Variants in CRTC3 observed in about 807,000 individuals in gnomAD.
CRTC3 encodes the protein CREB-regulated transcription coactivator 3.
Under a neutral mutation model 74.5 loss-of-function variants are expected in CRTC3, and 26 were observed. The ratio of observed to expected loss-of-function variants is 0.35; its 90% CI spans 0.26 to 0.48. The LOEUF (loss-of-function observed/expected upper bound fraction) is 0.48, where lower values mean the gene tolerates loss of function less well. Ranked by LOEUF, CRTC3 falls within the 20% of genes least tolerant of loss-of-function variation. The probability of loss-of-function intolerance (pLI) is 0.99; values close to 1 mark genes in which losing one functional copy is unlikely to be tolerated. For missense variants in CRTC3, 760 were observed against 787.3 expected, an observed-to-expected ratio of 0.97 and a Z score of 0.41; for synonymous variants, 377 against 325.8, an observed-to-expected ratio of 1.16 and a Z score of -1.69.
chr15:90,566,551 T>TAAAA (rs71154113), intron 2 of CRTC3, among the ~76,000 whole-genome samples: 3 of 143,322 alleles, frequency 2.1e-5, no homozygotes, highest in Non-Finnish European at 3.0e-5. Flanking sequence ...CTCTGTCTAT[T>TAAAA]AAAAAAAAAA....
chr15:90,537,583 A>G, intron 1 of CRTC3, among the ~76,000 whole-genome samples: 1 of 152,050 alleles, frequency 6.6e-6, no homozygotes, highest in East Asian at 1.9e-4. Context: ...ACAGGGTTTC[A>G]CCGTCTTAGC....
At chr15:90,630,764 T>C (rs1257495298) in intron 11 of CRTC3, among the ~76,000 whole-genome samples, 1 of 8,398 alleles carries the variant, frequency 1.2e-4, no homozygotes, top group Admixed American at 7.3e-4. Context: ...TCATTTTTTT[T>C]TTTTTTTTTT....
At chr15:90,626,099 TAG>T in intron 10 of CRTC3, 106 bp downstream of exon 10, 1 of 852,208 alleles carries the variant, frequency 1.2e-6, no homozygotes, top group South Asian at 1.4e-5. Flanking sequence ...GCATCCCAGT[TAG>T]AGATGATAAT....
chr15:90,600,297 C>T (rs1346522105), intron 3 of CRTC3: 1 of 152,200 alleles, frequency 6.6e-6, no homozygotes, highest in Non-Finnish European at 1.5e-5. Flanking sequence ...CCTCCGTTTT[C>T]CTAATTCCAG....
chr15:90,634,840 GA>G lies in CRTC3; in HGVS notation c.1267-3602del, dbSNP rs1969174194. 13 of 1,535,764 alleles carry G rather than the reference GA, an allele frequency of 8.5e-6. No homozygotes were observed. In the South Asian group the frequency reaches 1.1e-4, roughly 13 times the overall value. The stretch of plus-strand genomic sequence containing the variant: ...ATTTTGCTTCCAGAAAAATCTCAAG[GA>G]AAAGTATTGCAAGCAACAGTAGTCA... On this transcript the variant is annotated intron_variant, in intron 11 of 14. Coordinates refer to ENST00000268184, the MANE Select transcript of CRTC3 (RefSeq NM_022769.5).
At chr15:90,560,427 A>G (rs895617273) in intron 2 of CRTC3, among the ~76,000 whole-genome samples, 5 of 152,228 alleles carry the variant, frequency 3.3e-5, no homozygotes, top group African/African-American at 1.2e-4. Flanking sequence ...TTGTGGGCTT[A>G]GCTCCAAGTT....
intron 2 of CRTC3, among the ~76,000 whole-genome samples, chr15:90,583,666 AAC>A (rs1967594248): frequency 6.6e-6 from 1 of 152,148 alleles, no homozygotes; most frequent in Admixed American, 6.5e-5. Context: ...CAAAACCCAG[AAC>A]AGCTGGGAGC....
chr15:90,548,330 A>G (rs1286530925), intron 2 of CRTC3, among the ~76,000 whole-genome samples: 1 of 152,232 alleles, frequency 6.6e-6, no homozygotes, highest in Admixed American at 6.5e-5. Context: ...GTTCTAATTT[A>G]GGGAACAATC....
In CRTC3 at chr15:90,631,418, T is replaced by A. The variant is rs28460812; in HGVS notation, c.1266+1886T>A. Among the ~76,000 whole-genome samples, 348 of 152,252 alleles carry A rather than the reference T, an allele frequency of 2.3e-3. 1 individual carries two copies. The highest frequency in any genetic ancestry group is 3.0e-3 in the Non-Finnish European group (203 of 68,000). On this transcript the variant is annotated intron_variant, in intron 11 of 14. Transcript: ENST00000268184. ...TGTCACCACACCCAGCTAATTTTTT[T>A]AATTTTTTTGTAGAAACAGGGTCTC... is the stretch of plus-strand genomic sequence containing the variant.
chr15:90,557,386 C>G (rs1966916147), intron 2 of CRTC3, among the ~76,000 whole-genome samples: 1 of 152,102 alleles, frequency 6.6e-6, no homozygotes, highest in Admixed American at 6.6e-5. Flanking sequence ...CTGCATTTGT[C>G]TCCCATCTGG....
Position 90,642,329 on chromosome 15 carries a change from T to C in CRTC3, c.*189T>C. 1 of 593,010 alleles carries C rather than the reference T, an allele frequency of 1.7e-6. No homozygotes were observed. Among genetic ancestry groups the C allele is most frequent in the Non-Finnish European group, 3.0e-6 (1 of 335,098 alleles). The allele number at this position is 593,010 out of a possible 1,614,324, so 36.7% of individuals were successfully genotyped here. On this transcript the variant is annotated 3_prime_UTR_variant, in exon 15 of 15. Coordinates refer to ENST00000268184, the MANE Select transcript of CRTC3 (RefSeq NM_022769.5). ...TCCTCCAGATCACACAGCTTTGTAC[T>C]GCCTCTCCCGCCTGTGGCCAAAGTC...
chr15:90,624,677 G>A (rs905394917), intron 9 of CRTC3, among the ~76,000 whole-genome samples: 3 of 152,312 alleles, frequency 2.0e-5, no homozygotes, highest in Non-Finnish European at 2.9e-5. Context: ...CCAGCATAGC[G>A]CGCTTCCTGC....
At chr15:90,544,980 A>G (rs151159768) in intron 2 of CRTC3, among the ~76,000 whole-genome samples, 26 of 152,356 alleles carry the variant, frequency 1.7e-4, no homozygotes, top group African/African-American at 5.3e-4. Flanking sequence ...CTGAAATTCT[A>G]TGCCCATTCA....
chr15:90,629,053 C>T (rs1968940386), intron 10 of CRTC3, among the ~76,000 whole-genome samples, 181 bp from the exon 11 acceptor site: 1 of 152,186 alleles, frequency 6.6e-6, no homozygotes, highest in South Asian at 2.1e-4. Context: ...TCTGTTAGTG[C>T]AGGGGCATCT....
rs770320914 is a variant in CRTC3, at chr15:90,604,395, C to G, written c.424C>G (p.Pro142Ala). ...TTCTGGTTTTTAAAGGCAGCAGCCT[C>G]CTTGGAAAGACGAAAAGCATCCTGG... ...LDESWPRQQPPWKDEKHPGFR... is the reference protein window; with the variant it reads ...LDESWPRQQPAWKDEKHPGFR... The change falls in exon 5 of 15, where the codon CCT (proline) becomes GCT (alanine). Residue 142 changes from proline (P) to alanine (A), a missense_variant. This residue lies in a region of CRTC3 where 652 missense variants were observed against 635.2 expected (regional missense o/e 1.03). Coordinates refer to ENST00000268184, the MANE Select transcript of CRTC3 (RefSeq NM_022769.5). 1.2e-6 allele frequency: 2 copies of G among 1,613,964 alleles called. No individual in the cohort carries two copies. Among genetic ancestry groups the G allele is most frequent in the African/African-American group, 1.3e-5 (1 of 75,024 alleles).
intron 2 of CRTC3, among the ~76,000 whole-genome samples, chr15:90,542,145 C>T (rs1463742581): frequency 6.6e-6 from 1 of 150,600 alleles, no homozygotes; most frequent in African/African-American, 2.4e-5. Context: ...GCAACAGTCA[C>T]AAACTTACAC....
At chr15:90,568,711 T>C (rs1241050454) in intron 2 of CRTC3, among the ~76,000 whole-genome samples, 1 of 152,178 alleles carries the variant, frequency 6.6e-6, no homozygotes, top group Non-Finnish European at 1.5e-5. Context: ...GAGAAATCTT[T>C]TGTGAAAGGA....
intron 5 of CRTC3, among the ~76,000 whole-genome samples, chr15:90,606,030 C>A (rs944578918): frequency 1.3e-5 from 2 of 150,090 alleles, no homozygotes; most frequent in African/African-American, 2.5e-5. Context: ...CCAAGGCGGG[C>A]GAATCACCTG....
At chr15:90,628,259 A>C (rs1453939821) in intron 10 of CRTC3, among the ~76,000 whole-genome samples, 2 of 152,064 alleles carry the variant, frequency 1.3e-5, no homozygotes, top group African/African-American at 4.8e-5. Flanking sequence ...TAATTTTGCC[A>C]GCTGCTGGAT....
Sources: allele counts gnomAD v4.1 joint callset (sites outside exome capture counted in the v4.1 genomes callset), GRCh38; gene constraint gnomAD v4.1.1; regional missense constraint gnomAD v4.1.1; transcripts MANE v1.5; gene names NCBI Gene and HGNC (gene_info 2026-07-23, HGNC 2026-07-21).